The following TBC1D2B variants were observed in gnomAD, a reference collection of about 807,000 sequenced individuals.
TBC1D2B encodes the protein TBC1 domain family member 2B.
A neutral mutation model predicts 100.8 loss-of-function variants in TBC1D2B; 64 were observed. The ratio of observed to expected loss-of-function variants is 0.64; its 90% confidence interval spans 0.52 to 0.78. The LOEUF is 0.78. TBC1D2B is among the 30% of genes least tolerant of loss of function. The pLI, the probability that TBC1D2B is intolerant of heterozygous loss-of-function variation, is 0.00. For synonymous variants in TBC1D2B, 480 were observed against 479.7 expected (o/e 1.00, Z -0.01); for missense variants, 1,052 against 1,218.4 (o/e 0.86, Z 2.03).
intron 4 of TBC1D2B, among the ~76,000 whole-genome samples, chr15:78,025,975 T>C (rs1168198100): frequency 6.6e-6 from 1 of 151,406 alleles, no homozygotes; most frequent in African/African-American, 2.4e-5. Context: ...GCATTCTAGA[T>C]AGTAACCAAC....
At position 78,050,937 on chromosome 15, in the gene TBC1D2B, T is replaced by A. The variant is rs76443271; in HGVS notation, c.514+3097A>T. 6.4e-3 allele frequency among the ~76,000 whole-genome samples: 974 copies of A among 152,316 alleles called. 18 individuals are homozygous for A. Among genetic ancestry groups the A allele is most frequent in the African/African-American group, 0.022 (930 of 41,572 alleles). ...AGCTAAAATACTTGGCTTCCCAGAC[T>A]CCTTCCAGCTAGGAATGGCCATATG... On this transcript the variant is annotated intron_variant, in intron 2 of 12. Coordinates refer to ENST00000300584, the MANE Select transcript of TBC1D2B (RefSeq NM_144572.2).
chr15:78,068,000 A>C (rs1197222448), intron 1 of TBC1D2B, among the ~76,000 whole-genome samples: 1 of 152,214 alleles, frequency 6.6e-6, no homozygotes, highest in East Asian at 1.9e-4. Context: ...CAAATCACAG[A>C]TTTCTGGCCC....
chr15:78,016,375 GATTACT>G (rs1341649477), intron 8 of TBC1D2B, among the ~76,000 whole-genome samples, 165 bp downstream of exon 8: 2 of 152,172 alleles, frequency 1.3e-5, no homozygotes, highest in Non-Finnish European at 2.9e-5. Flanking sequence ...TCTATGACTT[GATTACT>G]AGGGGAGAAT....
Position 78,012,409 on chromosome 15 carries a change from T to G in TBC1D2B, c.2270+414A>C, listed in dbSNP as rs569190623. Among the ~76,000 whole-genome samples, 12 of 152,350 alleles carry G rather than the reference T, an allele frequency of 7.9e-5. No individual in the cohort carries two copies. In the South Asian group the frequency reaches 2.3e-3, roughly 29 times the overall value. On this transcript the variant is annotated intron_variant, in intron 9 of 12. Coordinates refer to ENST00000300584, the MANE Select transcript of TBC1D2B (RefSeq NM_144572.2). ...AAGTTTAAGTCCATGAAGGGCTAAGTTTCAGTCAGCTGAATAATTGTTTGG... is the reference window on the plus strand; with the variant it reads ...AAGTTTAAGTCCATGAAGGGCTAAGGTTCAGTCAGCTGAATAATTGTTTGG...
At chr15:78,053,836 C>T in intron 2 of TBC1D2B, 198 bp downstream of exon 2, 1 of 588,042 alleles carries the variant, frequency 1.7e-6, no homozygotes. Flanking sequence ...CTGGCCTTGC[C>T]TGATTCCAAG....
intron 1 of TBC1D2B, among the ~76,000 whole-genome samples, chr15:78,062,590 C>T (rs1304785137): frequency 6.6e-6 from 1 of 152,148 alleles, no homozygotes; most frequent in Non-Finnish European, 1.5e-5. Flanking sequence ...CCAGAAATAA[C>T]CTCCATCAAT....
intron 1 of TBC1D2B, among the ~76,000 whole-genome samples, chr15:78,075,260 G>A (rs554224625): frequency 5.9e-5 from 9 of 151,752 alleles, no homozygotes; most frequent in Admixed American, 2.6e-4. Flanking sequence ...GTGCAGTGGC[G>A]CGATCTCTGC....
chr15:78,074,594 G>A (rs930618958), intron 1 of TBC1D2B, among the ~76,000 whole-genome samples: 20 of 152,160 alleles, frequency 1.3e-4, no homozygotes, highest in African/African-American at 4.8e-4. Context: ...GAGAAGCCCT[G>A]AGGCACCCAT....
rs765710852 is a variant in TBC1D2B, at chr15:78,025,292, C to T, written c.1053G>A (p.Leu351=). ...QLQVQSQQEE[L]EQLKKDLSSQ... ...TGGACAGGTCTTTCTTTAACTGTTC[C>T]AGCTCTTCCTGCTGGCTCTGGACCT... Residue 351 remains leucine (L), a synonymous_variant, in exon 5 of 13, where the codon CTG becomes CTA. Coordinates refer to ENST00000300584, the MANE Select transcript of TBC1D2B (RefSeq NM_144572.2). The T allele has an allele frequency of 6.2e-7, 1 of 1,613,794 alleles. No homozygotes were observed. The highest frequency in any genetic ancestry group is 8.5e-7 in the Non-Finnish European group (1 of 1,179,888).
intron 3 of TBC1D2B, among the ~76,000 whole-genome samples, chr15:78,035,268 T>C (rs2072918601): frequency 6.6e-6 from 1 of 152,128 alleles, no homozygotes; most frequent in African/African-American, 2.4e-5. Context: ...CCGGTGGAGG[T>C]CTGCACAGTT....
At chr15:78,000,632 C>T (rs575423260) in intron 12 of TBC1D2B, among the ~76,000 whole-genome samples, 4 of 152,370 alleles carry the variant, frequency 2.6e-5, no homozygotes, top group Non-Finnish European at 4.4e-5. Flanking sequence ...ATAGCGACGA[C>T]CTCCAGGAAG....
At chr15:78,028,929 T>C (rs931188407) in intron 4 of TBC1D2B, among the ~76,000 whole-genome samples, 4 of 152,172 alleles carry the variant, frequency 2.6e-5, no homozygotes, top group Admixed American at 6.5e-5. Context: ...TTAAATACAA[T>C]GTGTGGGTCT....
At position 78,044,172 on chromosome 15, in the gene TBC1D2B, T is replaced by C. The variant is rs374993638; in HGVS notation, c.683+728A>G. 9.2e-5 allele frequency among the ~76,000 whole-genome samples: 14 copies of C among 152,292 alleles called. 1 individual carries two copies. Among genetic ancestry groups the C allele is most frequent in the African/African-American group, 3.4e-4 (14 of 41,564 alleles). On this transcript the variant is annotated intron_variant, in intron 3 of 12. Coordinates refer to ENST00000300584, the MANE Select transcript of TBC1D2B (RefSeq NM_144572.2). ...TGTAATGAGTTTCTTTTTGGATCGA[T>C]GAAAACATTTAAAAATTGATTGTGG...
At chr15:78,023,746 G>A (rs1596313836) in intron 6 of TBC1D2B, among the ~76,000 whole-genome samples, 2 of 152,180 alleles carry the variant, frequency 1.3e-5, no homozygotes, top group South Asian at 2.1e-4. Flanking sequence ...TAGCTGTTAG[G>A]AGCAATGCTC....
chr15:78,068,383 C>CACACA (rs2073693270), intron 1 of TBC1D2B, among the ~76,000 whole-genome samples: 7 of 143,012 alleles, frequency 4.9e-5, no homozygotes, highest in South Asian at 2.3e-4. Flanking sequence ...CACACCACAC[C>CACACA]CACACACACA....
At chr15:78,024,728 A>T (rs1250557360) in intron 5 of TBC1D2B, among the ~76,000 whole-genome samples, 189 bp from the exon 6 acceptor site, 2 of 152,238 alleles carry the variant, frequency 1.3e-5, no homozygotes, top group East Asian at 3.8e-4. Flanking sequence ...TTTACTCCAT[A>T]AAGACTGTCT....
At chr15:78,031,354 G>C (rs1250708063) in intron 3 of TBC1D2B, among the ~76,000 whole-genome samples, 1 of 152,062 alleles carries the variant, frequency 6.6e-6, no homozygotes. Context: ...AGGAGTTTAA[G>C]ACCAGCCTGG....
chr15:78,026,471 C>A (rs977422753), intron 4 of TBC1D2B, among the ~76,000 whole-genome samples: 1 of 152,168 alleles, frequency 6.6e-6, no homozygotes, highest in Non-Finnish European at 1.5e-5. Context: ...GATGCCAGTG[C>A]CATGCTTTTG....
intron 4 of TBC1D2B, among the ~76,000 whole-genome samples, chr15:78,029,285 C>T (rs568552025): frequency 6.6e-6 from 1 of 152,278 alleles, no homozygotes; most frequent in East Asian, 1.9e-4. Context: ...TCTCGATCTC[C>T]TGACCTCGTG....
Sources: allele counts gnomAD v4.1 joint callset (sites outside exome capture counted in the v4.1 genomes callset), GRCh38; gene constraint gnomAD v4.1.1; transcripts MANE v1.5; gene names NCBI Gene and HGNC (gene_info 2026-07-23, HGNC 2026-07-21).